VIPR2: variants seen among roughly 807,000 people sequenced by gnomAD.
VIPR2 encodes vasoactive intestinal polypeptide receptor 2.
In VIPR2, 48 loss-of-function variants were observed where a neutral mutation model predicts 58.0. The observed-to-expected ratio is 0.83, with a 90% CI of 0.66 to 1.05. The LOEUF (loss-of-function observed/expected upper bound fraction) is 1.05. Ranked by LOEUF, VIPR2 falls within the 50% of genes least tolerant of loss-of-function variation. The pLI is 0.00. For synonymous variants in VIPR2, 243 were observed against 235.2 expected (o/e 1.03, Z -0.30); for missense variants, 534 against 558.0 (o/e 0.96, Z 0.43).
intron 5 of VIPR2, among the ~76,000 whole-genome samples, chr7:159,057,693 C>T (rs1002537699): frequency 1.3e-4 from 20 of 152,126 alleles, no homozygotes; most frequent in African/African-American, 4.8e-4. Context: ...GCTAATGATA[C>T]GTAAGACAGA....
At chr7:159,039,302 TACACACAC>T (rs3064495) in intron 6 of VIPR2, among the ~76,000 whole-genome samples, 2 of 148,914 alleles carry the variant, frequency 1.3e-5, no homozygotes, top group African/African-American at 2.5e-5. Flanking sequence ...CTACTAAAAA[TACACACAC>T]ACACACACAC....
chr7:159,086,508 C>T (rs1857180926), intron 4 of VIPR2, among the ~76,000 whole-genome samples: 2 of 152,256 alleles, frequency 1.3e-5, no homozygotes, highest in Non-Finnish European at 2.9e-5. Context: ...GGTTTGCCCC[C>T]AGGAAGGGCT....
chr7:159,141,764 A>G (rs1045178605), intron 2 of VIPR2, among the ~76,000 whole-genome samples: 5 of 152,246 alleles, frequency 3.3e-5, no homozygotes, highest in Non-Finnish European at 5.9e-5. Context: ...CTACAGGACA[A>G]CAGACTGTTT....
chr7:159,124,579 T>C (rs940030685), intron 2 of VIPR2, among the ~76,000 whole-genome samples: 2 of 152,362 alleles, frequency 1.3e-5, no homozygotes, highest in East Asian at 3.9e-4. Flanking sequence ...GGTAATGCGA[T>C]GCCTCCAGCT....
rs146731234 is a variant in VIPR2 at position 159,103,832 on chromosome 7, C to T, written c.282G>A (p.Thr94=). Residue 94 remains threonine, a synonymous_variant, in exon 4 of 13, where the codon ACG becomes ACA. Transcript: ENST00000262178. ...SKAGNISKNC[T]SDGWSETFPD... ...GGAACGTCTCTGACCATCCGTCACT[C>T]GTACAGTTTTTGCTTATGTTTCCTG... 3.2e-4 allele frequency: 509 copies of T among 1,614,114 alleles called. No homozygotes were observed. In the African/African-American group the frequency reaches 5.4e-3, roughly 17 times the overall value.
chr7:159,094,304 T>C (rs561835218), intron 4 of VIPR2, among the ~76,000 whole-genome samples: 59 of 152,288 alleles, frequency 3.9e-4, no homozygotes, highest in African/African-American at 1.3e-3. Context: ...GTCTGAGGAA[T>C]GGGGACATCA....
Position 159,031,408 on chromosome 7 carries a change from G to GAA in VIPR2, c.1143+419_1143+420insTT, listed in dbSNP as rs1853573467. ...TGGCTGGGAATGAACGCAGGGCAGA[G>GAA]CTCGGCTCCGGGCTTCCTCCCCAGG... is the stretch of plus-strand genomic sequence containing the variant. On this transcript the variant is annotated intron_variant, in intron 12 of 12. Transcript: ENST00000262178. The surrounding 1 kb of genome is among the most constrained non-coding windows in gnomAD (Gnocchi z 4.0). The GAA allele has an allele frequency of 1.0e-6, 1 of 982,348 alleles. No homozygotes were observed. Among genetic ancestry groups the GAA allele is most frequent in the South Asian group, 4.7e-5 (1 of 21,238 alleles). The allele number at this position is 982,348 out of a possible 1,614,324, so 60.9% of individuals were successfully genotyped here. A position where few individuals can be genotyped will look rare whatever the true frequency, so the allele number is the denominator to read the frequency against.
At chr7:159,038,573 A>T (rs1444153169) in intron 6 of VIPR2, among the ~76,000 whole-genome samples, 2 of 152,150 alleles carry the variant, frequency 1.3e-5, no homozygotes, top group Non-Finnish European at 2.9e-5. Context: ...GTAAAGTGAA[A>T]TAAATCAAGT....
At chr7:159,112,403 C>G (rs550735027) in intron 2 of VIPR2, among the ~76,000 whole-genome samples, 2 of 152,354 alleles carry the variant, frequency 1.3e-5, no homozygotes, top group South Asian at 2.1e-4. Context: ...ACACGTGGCA[C>G]TGGCTGCAAC....
chr7:159,044,251 A>C (rs918138307), intron 5 of VIPR2, among the ~76,000 whole-genome samples: 25 of 152,272 alleles, frequency 1.6e-4, no homozygotes, highest in African/African-American at 5.8e-4. Context: ...AAAAGTATAG[A>C]GTCTTCAGCG....
Position 159,098,067 on chromosome 7 carries a change from C to T in VIPR2, c.357+5690G>A, listed in dbSNP as rs777802751. Among the ~76,000 whole-genome samples, 6 of 152,204 alleles carry T rather than the reference C, an allele frequency of 3.9e-5. No homozygotes were observed. Among genetic ancestry groups the T allele is most frequent in the Non-Finnish European group, 8.8e-5 (6 of 68,034 alleles). The stretch of plus-strand genomic sequence containing the variant: ...GAAGCCTGAGCCCTGCCGGGGCAAG[C>T]GGAATCCCCAGCCTCACACCAGCCC... On this transcript the variant is annotated intron_variant, in intron 4 of 12. Coordinates refer to ENST00000262178, the MANE Select transcript of VIPR2 (RefSeq NM_003382.5). The surrounding 1 kb of genome is among the most constrained non-coding windows in gnomAD (Gnocchi z 5.2).
At chr7:159,039,918 T>C (rs565466768) in intron 6 of VIPR2, among the ~76,000 whole-genome samples, 1 of 152,214 alleles carries the variant, frequency 6.6e-6, no homozygotes, top group Non-Finnish European at 1.5e-5. Flanking sequence ...GAGGATGGGC[T>C]ACGCGGAGAA....
intron 5 of VIPR2, among the ~76,000 whole-genome samples, chr7:159,048,744 G>A (rs1585360589): frequency 6.6e-6 from 1 of 152,148 alleles, no homozygotes; most frequent in South Asian, 2.1e-4. Flanking sequence ...TTATGTTTCT[G>A]TTGGACACTG....
chr7:159,127,125 T>C lies in VIPR2; in HGVS notation c.151+15321A>G, dbSNP rs1436498576. ...AGAGGATACTTTACAGCAAGCCGGA[T>C]TTTCTTCAGATGACTCAGATACGCT... On this transcript the variant is annotated intron_variant, in intron 2 of 12. Coordinates refer to ENST00000262178, the MANE Select transcript of VIPR2 (RefSeq NM_003382.5). This position sits in a 1 kb window ranked among gnomAD's most constrained non-coding sequence, Gnocchi z 4.6. Among the ~76,000 whole-genome samples the C allele has an allele frequency of 6.6e-6, 1 of 152,170 alleles. No individual in the cohort carries two copies. Among genetic ancestry groups the C allele is most frequent in the African/African-American group, 2.4e-5 (1 of 41,438 alleles).
At chr7:159,120,563 T>C (rs1796416786) in intron 2 of VIPR2, among the ~76,000 whole-genome samples, 1 of 152,190 alleles carries the variant, frequency 6.6e-6, no homozygotes, top group Non-Finnish European at 1.5e-5. Flanking sequence ...TTCCAAGCAT[T>C]TTTCCAGGTG....
intron 4 of VIPR2, among the ~76,000 whole-genome samples, chr7:159,074,886 A>G (rs1306055560): frequency 6.6e-6 from 1 of 152,206 alleles, no homozygotes; most frequent in Non-Finnish European, 1.5e-5. Context: ...AGCCAATAGA[A>G]AGAGACCAAA....
chr7:159,076,724 T>C (rs12670064), intron 4 of VIPR2, among the ~76,000 whole-genome samples: 51,883 of 152,076 alleles, frequency 0.34, 10,223 homozygotes, highest in African/African-American at 0.55. Flanking sequence ...TTCTAAAACT[T>C]TCAGAAAAAC....
Position 159,096,561 on chromosome 7 carries a change from C to T in VIPR2, c.357+7196G>A, listed in dbSNP as rs114854814. Among the ~76,000 whole-genome samples, 2,001 of 152,326 alleles carry T rather than the reference C, an allele frequency of 0.013. 36 individuals carry two copies. Among genetic ancestry groups the T allele is most frequent in the African/African-American group, 0.045 (1,859 of 41,570 alleles). On this transcript the variant is annotated intron_variant, in intron 4 of 12. Transcript: ENST00000262178. This position sits in a 1 kb window ranked among gnomAD's most constrained non-coding sequence, Gnocchi z 5.5. ...GAACTTGGAGACCCAATCGCCATCCCCAGGCACCAGCGTATCTGTGCATTT... is the reference window on the plus strand; with the variant it reads ...GAACTTGGAGACCCAATCGCCATCCTCAGGCACCAGCGTATCTGTGCATTT...
rs539756269 is a variant in VIPR2, at chr7:159,098,416, A to C, written c.357+5341T>G. ...AAACCCTTTACTCAGTGAAGACCTA[A>C]GACTCCCCCAGGCCTGAAAGCTGGT... On this transcript the variant is annotated intron_variant, in intron 4 of 12. Coordinates refer to ENST00000262178, the MANE Select transcript of VIPR2 (RefSeq NM_003382.5). This position sits in a 1 kb window ranked among gnomAD's most constrained non-coding sequence, Gnocchi z 5.2. Among the ~76,000 whole-genome samples the C allele has an allele frequency of 2.3e-3, 355 of 152,298 alleles. 3 individuals are homozygous for C. Among genetic ancestry groups the C allele is most frequent in the African/African-American group, 8.1e-3 (338 of 41,568 alleles).
Sources: allele counts gnomAD v4.1 joint callset (sites outside exome capture counted in the v4.1 genomes callset), GRCh38; gene constraint gnomAD v4.1.1; non-coding constraint Gnocchi (gnomAD v3.1); transcripts MANE v1.5; gene names NCBI Gene and HGNC (gene_info 2026-07-23, HGNC 2026-07-21).